GPR139: variants seen among roughly 807,000 people sequenced by gnomAD.
GPR139 encodes the protein G protein-coupled receptor 139.
In GPR139, 12 loss-of-function variants were observed where a neutral mutation model predicts 25.8. The observed-to-expected ratio is 0.47, with a 90% CI of 0.30 to 0.75. GPR139 has a LOEUF of 0.75. Ranked by LOEUF, GPR139 falls within the 30% of genes least tolerant of loss-of-function variation. The probability of loss-of-function intolerance (pLI) is 0.07; values close to 1 mark genes in which losing one functional copy is unlikely to be tolerated. For missense variants in GPR139, 380 were observed against 450.2 expected (o/e 0.84, Z 1.41); for synonymous variants, 184 against 179.9 (o/e 1.02, Z -0.18).
At chr16:20,053,841 T>TC (rs1491368145) in intron 1 of GPR139, among the ~76,000 whole-genome samples, 19 of 137,896 alleles carry the variant, frequency 1.4e-4, no homozygotes, top group Non-Finnish European at 2.6e-4. Flanking sequence ...TTTTTTTTTT[T>TC]CAGATGAATA....
At chr16:20,047,295 G>A (rs2057357612) in intron 1 of GPR139, among the ~76,000 whole-genome samples, 1 of 152,100 alleles carries the variant, frequency 6.6e-6, no homozygotes, top group African/African-American at 2.4e-5. Context: ...ATTTTTAATA[G>A]AGATAGGGTT....
intron 1 of GPR139, among the ~76,000 whole-genome samples, chr16:20,051,545 C>T (rs907005098): frequency 1.3e-5 from 2 of 152,190 alleles, no homozygotes; most frequent in African/African-American, 4.8e-5. Flanking sequence ...CGTCTAATTA[C>T]CCAGGGGCCT....
Position 20,041,232 on chromosome 16 carries a change from AG to A in GPR139, c.128-8564del, listed in dbSNP as rs1197692403. Among the ~76,000 whole-genome samples, 3 of 5,156 alleles carry A rather than the reference AG, an allele frequency of 5.8e-4. 1 individual carries two copies. Among genetic ancestry groups the A allele is most frequent in the Admixed American group, 2.0e-3 (1 of 498 alleles). 3.4% of individuals were successfully genotyped at this position (5,156 alleles called of 152,430 possible). On this transcript the variant is annotated intron_variant, in intron 1 of 1. Coordinates refer to ENST00000570682, the MANE Select transcript of GPR139 (RefSeq NM_001002911.4). ...AGAGGAGAGGAGAGGAGAGGAGAGG[AG>A]AGGAGAGGAGAGGAGAGGGAAGGAG...
chr16:20,050,554 C>T (rs564684256), intron 1 of GPR139, among the ~76,000 whole-genome samples: 3 of 152,312 alleles, frequency 2.0e-5, no homozygotes, highest in Admixed American at 6.5e-5. Context: ...CTATGGCTTC[C>T]GTCCAGTTCA....
Position 20,073,818 on chromosome 16 carries a change from C to CCGCAGGGCGCGGGG in GPR139, c.-216_-203dup, listed in dbSNP as rs1173349155. ...CGCCTGGAGTCTTGGCTCAGCCCTC[C>CCGCAGGGCGCGGGG]CGCAGGGCGCGGGGCGCAGGGTGCG... is the stretch of plus-strand genomic sequence containing the variant. On this transcript the variant is annotated 5_prime_UTR_variant, in exon 1 of 2. Coordinates refer to ENST00000570682, the MANE Select transcript of GPR139 (RefSeq NM_001002911.4). The surrounding 1 kb of genome is among the most constrained non-coding windows in gnomAD (Gnocchi z 4.7). 32 of 634,266 alleles carry CCGCAGGGCGCGGGG rather than the reference C, an allele frequency of 5.0e-5. No individual in the cohort carries two copies. Among genetic ancestry groups the CCGCAGGGCGCGGGG allele is most frequent in the African/African-American group, 4.9e-4 (25 of 51,108 alleles). The allele number at this position is 634,266 out of a possible 1,614,324, so 39.3% of individuals were successfully genotyped here. A position where few individuals can be genotyped will look rare whatever the true frequency, so the allele number is the denominator to read the frequency against.
At chr16:20,048,355 C>T (rs12926725) in intron 1 of GPR139, among the ~76,000 whole-genome samples, 28,418 of 152,038 alleles carry the variant, frequency 0.19, 3,313 homozygotes, top group East Asian at 0.37. Flanking sequence ...TTAGTGATGC[C>T]CAACCATGTA....
intron 1 of GPR139, among the ~76,000 whole-genome samples, chr16:20,047,265 C>G (rs772840316): frequency 2.0e-5 from 3 of 152,080 alleles, no homozygotes; most frequent in Non-Finnish European, 4.4e-5. Flanking sequence ...CACCCACCAC[C>G]ATGCCTGGCT....
chr16:20,072,500 C>T (rs2057463172), intron 1 of GPR139, among the ~76,000 whole-genome samples: 1 of 152,182 alleles, frequency 6.6e-6, no homozygotes. Flanking sequence ...TTCAGTCCCT[C>T]TCTCCTCTCT....
chr16:20,068,716 T>C (rs1333555250), intron 1 of GPR139, among the ~76,000 whole-genome samples: 3 of 152,204 alleles, frequency 2.0e-5, no homozygotes, highest in Non-Finnish European at 4.4e-5. Flanking sequence ...CATTCAGTTT[T>C]TTCATCATTA....
intron 1 of GPR139, among the ~76,000 whole-genome samples, chr16:20,045,386 G>T (rs1452881098): frequency 1.3e-5 from 2 of 152,146 alleles, no homozygotes; most frequent in African/African-American, 4.8e-5. Context: ...CTGAGGTTCA[G>T]TGAGGTTAAG....
chr16:20,073,849 C>G lies in GPR139; in HGVS notation c.-233G>C, dbSNP rs184477495. The G allele has an allele frequency of 9.4e-4, 461 of 492,760 alleles. 7 individuals carry two copies. In the East Asian group the frequency reaches 0.018, roughly 19 times the overall value. 30.5% of individuals were successfully genotyped at this position (492,760 alleles called of 1,614,324 possible). ...GGCGCGGGGCGCAGGGTGCGGGGCG[C>G]GCTGCGCGGGGCCTCGGGAGGGGCT... is the stretch of plus-strand genomic sequence containing the variant. On this transcript the variant is annotated 5_prime_UTR_variant, in exon 1 of 2. Coordinates refer to ENST00000570682, the MANE Select transcript of GPR139 (RefSeq NM_001002911.4). The surrounding 1 kb of genome is among the most constrained non-coding windows in gnomAD (Gnocchi z 4.7).
intron 1 of GPR139, among the ~76,000 whole-genome samples, chr16:20,048,970 A>G (rs926363759): frequency 4.9e-4 from 74 of 152,128 alleles, no homozygotes; most frequent in African/African-American, 1.6e-3. Flanking sequence ...CCCACCCACA[A>G]TCCTTTGCCT....
At chr16:20,051,990 T>TAC (rs1299975694) in intron 1 of GPR139, among the ~76,000 whole-genome samples, 1 of 152,088 alleles carries the variant, frequency 6.6e-6, no homozygotes. Context: ...AGTATTGGGG[T>TAC]ACATAATAAG....
intron 1 of GPR139, among the ~76,000 whole-genome samples, chr16:20,066,350 C>T (rs1288805894): frequency 1.3e-5 from 2 of 152,222 alleles, no homozygotes; most frequent in East Asian, 3.8e-4. Context: ...TCTCTGCCAG[C>T]TGTAGCTGAA....
intron 1 of GPR139, chr16:20,071,063 G>C (rs1347337171): frequency 4.4e-6 from 4 of 918,576 alleles, no homozygotes; most frequent in Non-Finnish European, 5.2e-6. Context: ...TGAATGTCAG[G>C]CACCAAGGCG....
intron 1 of GPR139, among the ~76,000 whole-genome samples, chr16:20,041,414 A>G: frequency 6.6e-6 from 1 of 151,484 alleles, no homozygotes; most frequent in Non-Finnish European, 1.5e-5. Flanking sequence ...TAGGAAGATC[A>G]ATTTCTAAGA....
chr16:20,069,792 C>G (rs1196440855), intron 1 of GPR139, among the ~76,000 whole-genome samples: 2 of 152,186 alleles, frequency 1.3e-5, no homozygotes, highest in Non-Finnish European at 2.9e-5. Flanking sequence ...CTCTCACTGT[C>G]TTCCCCCAGG....
chr16:20,049,306 T>C lies in GPR139; in HGVS notation c.128-16637A>G, dbSNP rs1235787359. On this transcript the variant is annotated intron_variant, in intron 1 of 1. Transcript: ENST00000570682. ...CATCTGTTTGCTGTCATTTTCATGGTGTTCCCTTATATGTGTGATGACTGT... is the reference window on the plus strand; with the variant it reads ...CATCTGTTTGCTGTCATTTTCATGGCGTTCCCTTATATGTGTGATGACTGT... Among the ~76,000 whole-genome samples, 4 of 152,300 alleles carry C rather than the reference T, an allele frequency of 2.6e-5. No homozygotes were observed. The East Asian group carries it at 7.7e-4, about 29-fold the overall frequency.
chr16:20,051,651 A>G (rs188228190), intron 1 of GPR139, among the ~76,000 whole-genome samples: 36 of 152,296 alleles, frequency 2.4e-4, no homozygotes, highest in Middle Eastern at 3.4e-3. Context: ...GCGTAATTAT[A>G]TGGAAATGGA....
Sources: gnomAD v4.1 joint callset for allele counts (sites outside exome capture counted in the v4.1 genomes callset) on GRCh38, gnomAD v4.1.1 for gene constraint, Gnocchi (gnomAD v3.1) non-coding constraint, MANE v1.5 for transcripts, NCBI Gene and HGNC (gene_info 2026-07-23, HGNC 2026-07-21) for gene names.